The following FAM120B variants were observed in gnomAD, a reference collection of about 807,000 sequenced individuals.
FAM120B encodes the protein constitutive coactivator of peroxisome proliferator-activated receptor gamma.
Under a neutral mutation model 96.3 loss-of-function variants are expected in FAM120B, and 83 were observed. The observed-to-expected ratio is 0.86, with a 90% CI of 0.72 to 1.03. The LOEUF is 1.03. FAM120B is among the 50% of genes least tolerant of loss of function. The pLI, the probability that FAM120B is intolerant of heterozygous loss-of-function variation, is 0.00. For synonymous variants in FAM120B, 407 were observed against 402.7 expected, an observed-to-expected ratio of 1.01 and a Z score of -0.13; for missense variants, 1,027 against 1,121.2, an observed-to-expected ratio of 0.92 and a Z score of 1.20.
At chr6:170,341,644 T>C (rs2092778) in intron 4 of FAM120B, among the ~76,000 whole-genome samples, 45,907 of 152,084 alleles carry the variant, frequency 0.3, 8,428 homozygotes, top group East Asian at 0.9. Context: ...AAGGGAATCT[T>C]CTGATCTGCG....
intron 1 of FAM120B, among the ~76,000 whole-genome samples, chr6:170,312,951 C>A (rs1324025764): frequency 1.3e-5 from 2 of 152,182 alleles, no homozygotes; most frequent in African/African-American, 4.8e-5. Flanking sequence ...TCTCTTTAAA[C>A]TGACTTAACA....
At chr6:170,313,593 T>C (rs1351006817) in intron 1 of FAM120B, among the ~76,000 whole-genome samples, 1 of 152,254 alleles carries the variant, frequency 6.6e-6, no homozygotes, top group Admixed American at 6.5e-5. Context: ...TGTGATGTTA[T>C]ATGCTAGTTT....
At chr6:170,326,314 C>G (rs767751137) in intron 3 of FAM120B, among the ~76,000 whole-genome samples, 1 of 151,532 alleles carries the variant, frequency 6.6e-6, no homozygotes, top group Admixed American at 6.6e-5. Context: ...CTGCAGCTAC[C>G]ACCACAGCCA....
intron 6 of FAM120B, among the ~76,000 whole-genome samples, chr6:170,369,303 TAGGAAAGGACTTTGAGAACTC>T (rs1789023778): frequency 6.6e-6 from 1 of 152,216 alleles, no homozygotes; most frequent in Non-Finnish European, 1.5e-5. Context: ...CGTTTGAACC[TAGGAAAGGACTTTGAGAACTC>T]AGGATGCCTG....
intron 4 of FAM120B, among the ~76,000 whole-genome samples, chr6:170,331,746 TATA>T (rs935949678): frequency 1.3e-5 from 2 of 152,240 alleles, no homozygotes; most frequent in Admixed American, 6.5e-5. Flanking sequence ...GGCCACTCTA[TATA>T]ATGTTTTAAT....
chr6:170,398,432 T>G (rs371333898), intron 9 of FAM120B, among the ~76,000 whole-genome samples: 3,403 of 141,980 alleles, frequency 0.024, 1 homozygote, highest in Non-Finnish European at 0.037. Context: ...TAGGAGTGAG[T>G]GAGAAAGGTA....
At chr6:170,346,147 G>A (rs1486719581) in intron 4 of FAM120B, among the ~76,000 whole-genome samples, 3 of 152,064 alleles carry the variant, frequency 2.0e-5, no homozygotes, top group Non-Finnish European at 2.9e-5. Context: ...GTTATGTGGC[G>A]CATGGCTGTA....
At chr6:170,311,912 A>G (rs889466978) in intron 1 of FAM120B, among the ~76,000 whole-genome samples, 2 of 152,238 alleles carry the variant, frequency 1.3e-5, no homozygotes, top group African/African-American at 4.8e-5. Flanking sequence ...GCAGCTTCCT[A>G]ACATACTAAG....
rs1334696547 is a variant in FAM120B, at chr6:170,298,093, A to T, written c.48+2640A>T. 3 of 152,212 alleles carry T rather than the reference A, an allele frequency of 2.0e-5. No homozygotes were observed. The East Asian group carries it at 5.8e-4, about 29-fold the overall frequency. The allele number at this position is 152,212 out of a possible 1,614,324, so 9.4% of individuals were successfully genotyped here. ...GTGCCATTGTGGACTCACAATGCACATGGACATCAGGCTGTGAATGAAGAC... is the reference window on the plus strand; with the variant it reads ...GTGCCATTGTGGACTCACAATGCACTTGGACATCAGGCTGTGAATGAAGAC... On this transcript the variant is annotated intron_variant, in intron 1 of 10. Coordinates refer to the FAM120B transcript ENST00000537664.
intron 6 of FAM120B, among the ~76,000 whole-genome samples, chr6:170,362,555 G>A (rs921174156): frequency 3.3e-5 from 5 of 152,214 alleles, no homozygotes; most frequent in African/African-American, 9.6e-5. Flanking sequence ...TGAGCAGAGT[G>A]GAGTGTGTAC....
chr6:170,391,277 G>A, intron 8 of FAM120B, 156 bp downstream of exon 8: 7 of 609,306 alleles, frequency 1.1e-5, no homozygotes, highest in Non-Finnish European at 3.0e-6. Flanking sequence ...GCTCACGCCT[G>A]TAATCTCAGC....
Position 170,364,088 on chromosome 6 carries a change from G to A in FAM120B, c.2283+5770G>A, listed in dbSNP as rs949653293. 5.9e-5 allele frequency among the ~76,000 whole-genome samples: 9 copies of A among 152,246 alleles called. No individual in the cohort carries two copies. The South Asian group carries it at 1.9e-3, about 32-fold the overall frequency. On this transcript the variant is annotated intron_variant, in intron 6 of 10. Coordinates refer to ENST00000476287, the MANE Select transcript of FAM120B (RefSeq NM_032448.3). ...TTTTTTGGGATGTGGCTATGTGCTG[G>A]TGATTTGTGCTGCATTTCCCCTTGT...
intron 1 of FAM120B, among the ~76,000 whole-genome samples, chr6:170,315,681 C>A (rs1784857549): frequency 6.6e-6 from 1 of 152,098 alleles, no homozygotes; most frequent in Admixed American, 6.5e-5. Flanking sequence ...TATTTATGTT[C>A]ACCCAATTTT....
intron 2 of FAM120B, among the ~76,000 whole-genome samples, chr6:170,321,464 G>A (rs1488905819): frequency 2.6e-5 from 4 of 152,146 alleles, no homozygotes; most frequent in Non-Finnish European, 5.9e-5. Context: ...TATATCCTCT[G>A]CCTCCCAGGT....
intron 4 of FAM120B, among the ~76,000 whole-genome samples, chr6:170,335,103 A>G (rs956817677): frequency 6.6e-6 from 1 of 150,786 alleles, no homozygotes; most frequent in African/African-American, 2.4e-5. Context: ...GGATTGTTAC[A>G]GAGGTATACA....
chr6:170,337,877 T>C (rs1454181092), intron 4 of FAM120B, among the ~76,000 whole-genome samples: 2 of 152,168 alleles, frequency 1.3e-5, no homozygotes, highest in Admixed American at 1.3e-4. Flanking sequence ...AGTGGTGATA[T>C]CCCCTTTATC....
chr6:170,392,047 GTAT>G lies in FAM120B; in HGVS notation c.2599+937_2599+939del, dbSNP rs576014071. On this transcript the variant is annotated intron_variant, in intron 8 of 10. Coordinates refer to ENST00000476287, the MANE Select transcript of FAM120B (RefSeq NM_032448.3). ...CTCATTACTCCTAATGCTTGTATGT[GTAT>G]TATTATTATTTTCTTCAAACAGAAT... 1.3e-3 allele frequency among the ~76,000 whole-genome samples: 196 copies of G among 152,212 alleles called. 1 individual carries two copies. The highest frequency in any genetic ancestry group is 2.2e-3 in the Non-Finnish European group (152 of 68,004).
At chr6:170,319,369 TA>T (rs1317274878) in intron 2 of FAM120B, among the ~76,000 whole-genome samples, 1 of 152,226 alleles carries the variant, frequency 6.6e-6, no homozygotes, top group East Asian at 1.9e-4. Context: ...CATTGTGGGT[TA>T]AAGTACAGGG....
chr6:170,336,373 T>C (rs1197485127), intron 4 of FAM120B, among the ~76,000 whole-genome samples: 1 of 152,146 alleles, frequency 6.6e-6, no homozygotes, highest in Non-Finnish European at 1.5e-5. Context: ...TGTGGTGTTA[T>C]TTCTGAGGCC....
Sources: allele counts gnomAD v4.1 joint callset (sites outside exome capture counted in the v4.1 genomes callset), GRCh38; gene constraint gnomAD v4.1.1; transcripts MANE v1.5; gene names NCBI Gene and HGNC (gene_info 2026-07-23, HGNC 2026-07-21).